SH3BP5L: variants seen among roughly 807,000 people sequenced by gnomAD.
SH3BP5L encodes SH3 binding domain protein 5 like, also known as SH3 domain-binding protein 5-like.
SH3BP5L carries 16 observed loss-of-function variants against 40.9 expected under a neutral mutation model. The observed-to-expected ratio is 0.39, with a 90% CI of 0.27 to 0.59. The LOEUF is 0.59. Ranked by LOEUF, SH3BP5L falls within the 20% of genes least tolerant of loss-of-function variation. The pLI, the probability that SH3BP5L is intolerant of heterozygous loss-of-function variation, is 0.53. For missense variants in SH3BP5L, 471 were observed against 544.6 expected, an observed-to-expected ratio of 0.86 and a Z score of 1.35; for synonymous variants, 229 against 226.7, an observed-to-expected ratio of 1.01 and a Z score of -0.09.
chr1:248,823,583 C>G (rs1664304761), intron 2 of SH3BP5L, among the ~76,000 whole-genome samples: 1 of 152,162 alleles, frequency 6.6e-6, no homozygotes, highest in Non-Finnish European at 1.5e-5. Context: ...ATTACTGACT[C>G]ATGCCAGAAA....
intron 2 of SH3BP5L, among the ~76,000 whole-genome samples, chr1:248,824,360 G>A (rs1664320295): frequency 6.6e-6 from 1 of 152,154 alleles, no homozygotes; most frequent in Non-Finnish European, 1.5e-5. Context: ...CTGTCCCCCA[G>A]TATCAAAGTC....
At chr1:248,825,451 A>C (rs1210578903) in intron 1 of SH3BP5L, 85 bp from the exon 2 acceptor site, 2 of 921,108 alleles carry the variant, frequency 2.2e-6, no homozygotes, top group African/African-American at 3.6e-5. Flanking sequence ...CAGCCTCCCA[A>C]AAACTACACT....
intron 1 of SH3BP5L, 151 bp from the exon 2 acceptor site, chr1:248,825,517 T>TGAGGGCTAAGGAG: frequency 2.6e-6 from 1 of 389,276 alleles, no homozygotes; most frequent in Non-Finnish European, 3.5e-6. Flanking sequence ...CTTCTCTCCT[T>TGAGGGCTAAGGAG]AGCCCTCAAG....
At chr1:248,814,765 A>T (rs1664057791) in intron 4 of SH3BP5L, 155 bp from the exon 5 acceptor site, 1 of 767,764 alleles carries the variant, frequency 1.3e-6, no homozygotes, top group African/African-American at 1.7e-5. Context: ...CCAAGGAAGC[A>T]ACATTCTATA....
intron 2 of SH3BP5L, among the ~76,000 whole-genome samples, chr1:248,819,230 A>G (rs930393291): frequency 6.6e-6 from 1 of 152,166 alleles, no homozygotes; most frequent in South Asian, 2.1e-4. Flanking sequence ...TGAGGATATG[A>G]AAATGCACAC....
chr1:248,815,667 A>G (rs992836824), intron 4 of SH3BP5L, among the ~76,000 whole-genome samples: 4 of 152,166 alleles, frequency 2.6e-5, no homozygotes, highest in Non-Finnish European at 5.9e-5. Flanking sequence ...GACCAAGCCG[A>G]TATTTCCTCT....
At chr1:248,815,656 C>T (rs972694030) in intron 4 of SH3BP5L, among the ~76,000 whole-genome samples, 41 of 152,140 alleles carry the variant, frequency 2.7e-4, no homozygotes, top group African/African-American at 1.4e-4. Context: ...TACTTCTCCC[C>T]GACCAAGCCG....
chr1:248,816,959 A>G, intron 2 of SH3BP5L, 75 bp from the exon 3 acceptor site: 8 of 1,609,964 alleles, frequency 5.0e-6, no homozygotes, highest in Non-Finnish European at 6.8e-6. Flanking sequence ...GGCAGGAGCA[A>G]CACAGAGAGA....
chr1:248,814,332 A>T (rs1664038774), intron 5 of SH3BP5L, 117 bp downstream of exon 5: 3 of 1,203,414 alleles, frequency 2.5e-6, no homozygotes, highest in Middle Eastern at 5.6e-4. Flanking sequence ...CCTGAAACAG[A>T]ATCAAAGTTG....
chr1:248,815,561 A>G (rs997858937), intron 4 of SH3BP5L, among the ~76,000 whole-genome samples: 18 of 152,194 alleles, frequency 1.2e-4, no homozygotes, highest in African/African-American at 4.3e-4. Context: ...ATTCCTAGAA[A>G]CAGTAAACTC....
chr1:248,814,417 C>G (rs138593337), intron 5 of SH3BP5L, 32 bp downstream of exon 5: 23 of 1,611,686 alleles, frequency 1.4e-5, no homozygotes, highest in Non-Finnish European at 1.7e-6. Context: ...CGAGAACCAG[C>G]GAAGGGGACC....
intron 5 of SH3BP5L, chr1:248,813,888 G>C (rs1263220199): frequency 6.0e-6 from 1 of 167,208 alleles, no homozygotes; most frequent in East Asian, 1.7e-4. Flanking sequence ...GTAGAAGTGA[G>C]GTGCCTGTTC....
Position 248,811,916 on chromosome 1 carries a change from C to G in SH3BP5L, c.1166G>C (p.Arg389Pro), listed in dbSNP as rs891265673. ...GCCCCTCGGCTACAGGCTGACGCTGCGCTGGTGCCGACCCCCACGGGCTCC... is the reference window on the plus strand; with the variant it reads ...GCCCCTCGGCTACAGGCTGACGCTGGGCTGGTGCCGACCCCCACGGGCTCC... ...DGGARGGRHQ[R>P]SVSL The change falls in exon 7 of 7, where the codon CGC becomes CCC. Residue 389 changes from arginine (R) to proline (P), a missense_variant. By Grantham distance (103) the Arg-to-Pro change is moderately radical (BLOSUM62 -2). Transcript: ENST00000366472. 6.5e-7 allele frequency: 1 copy of G among 1,537,316 alleles called. No individual in the cohort carries two copies. Among genetic ancestry groups the G allele is most frequent in the Admixed American group, 2.0e-5 (1 of 50,132 alleles).
At position 248,816,578 on chromosome 1, in the gene SH3BP5L, C is replaced by T. The variant is rs1487618889; in HGVS notation, c.331G>A (p.Glu111Lys). 2 of 1,614,176 alleles carry T rather than the reference C, an allele frequency of 1.2e-6. No individual in the cohort carries two copies. The highest frequency in any genetic ancestry group is 2.2e-5 in the East Asian group (1 of 44,890). Residue 111 changes from glutamate to lysine, a missense_variant, in exon 4 of 7, where the codon GAG becomes AAG. Transcript: ENST00000366472. ...GCCTCATAGTAGGGCCGGGCTTTCT[C>T]GATGCAGCTCCCCAAGTGGGAACCC... ...TQGSHLGSCI[E>K]KARPYYEARR...
intron 2 of SH3BP5L, among the ~76,000 whole-genome samples, chr1:248,823,986 C>T (rs1572187376): frequency 6.6e-6 from 1 of 152,208 alleles, no homozygotes; most frequent in African/African-American, 2.4e-5. Flanking sequence ...GCATCTCTTC[C>T]ACATGGAGTT....
chr1:248,818,213 T>C (rs1664158260), intron 2 of SH3BP5L, among the ~76,000 whole-genome samples: 1 of 151,730 alleles, frequency 6.6e-6, no homozygotes, highest in Non-Finnish European at 1.5e-5. Context: ...CTGGGCGTGG[T>C]GGCACACATC....
Position 248,812,132 on chromosome 1 carries a change from T to C in SH3BP5L, c.950A>G (p.Glu317Gly). The C allele has an allele frequency of 6.2e-7, 1 of 1,606,690 alleles. No homozygotes were observed. Among genetic ancestry groups the C allele is most frequent in the East Asian group, 2.2e-5 (1 of 44,676 alleles). ...GIEGAEGAGL[E>G]EGSSLGPGPA... is the part of the protein sequence containing the mutation. The stretch of plus-strand genomic sequence containing the variant: ...GCCGGGCCCCAGGCTGCTGCCCTCC[T>C]CCAGCCCCGCACCCTCGGCCCCCTC... The change falls in exon 7 of 7, where the codon GAG (glutamate) becomes GGG (glycine). Residue 317 changes from glutamate to glycine, a missense_variant. Coordinates refer to ENST00000366472, the MANE Select transcript of SH3BP5L (RefSeq NM_030645.3). This position sits in a 1 kb window ranked among gnomAD's most constrained non-coding sequence, Gnocchi z 6.1.
rs775982048 is a variant in SH3BP5L, at chr1:248,816,671, G to C, written c.247-9C>G. On this transcript the variant is annotated splice_polypyrimidine_tract_variant and intron_variant, in intron 3 of 6. Transcript: ENST00000366472. ...TAGGTGGTCCTGGCCTCCTGGAAAG[G>C]AACAAGGCAGAGGAAAGGCACATGT... The C allele has an allele frequency of 1.5e-5, 24 of 1,613,836 alleles. No individual in the cohort carries two copies. The highest frequency in any genetic ancestry group is 1.9e-5 in the Non-Finnish European group (22 of 1,180,020).
intron 5 of SH3BP5L, 188 bp downstream of exon 5, chr1:248,814,261 G>T (rs1019377100): frequency 1.1e-5 from 7 of 650,198 alleles, no homozygotes; most frequent in Non-Finnish European, 1.6e-5. Context: ...TAAGTCAGAG[G>T]GAAATGGAAT....
Sources: allele counts gnomAD v4.1 joint callset (sites outside exome capture counted in the v4.1 genomes callset), GRCh38; gene constraint gnomAD v4.1.1; non-coding constraint Gnocchi (gnomAD v3.1); transcripts MANE v1.5; gene names NCBI Gene and HGNC (gene_info 2026-07-23, HGNC 2026-07-21).